DOCK4: variants seen among roughly 807,000 people sequenced by gnomAD.
DOCK4 encodes dedicator of cytokinesis protein 4.
In DOCK4, 97 loss-of-function variants were observed where a neutral mutation model predicts 268.1. The ratio of observed to expected loss-of-function variants is 0.36; its 90% CI spans 0.31 to 0.43. The LOEUF is 0.43. DOCK4 is among the 20% of genes least tolerant of loss of function. The pLI is 1.00. For missense variants in DOCK4, 2,145 were observed against 2,455.7 expected (o/e 0.87, Z 2.67); for synonymous variants, 954 against 887.2 (o/e 1.08, Z -1.34).
intron 8 of DOCK4, 99 bp from the exon 9 acceptor site, chr7:111,945,897 T>A: frequency 1.2e-6 from 1 of 851,116 alleles, no homozygotes. Flanking sequence ...AGCTAAATAT[T>A]AGGTTGTTCA....
intron 1 of DOCK4, among the ~76,000 whole-genome samples, chr7:112,133,560 G>A (rs1409385504): frequency 1.3e-5 from 2 of 151,884 alleles, no homozygotes; most frequent in African/African-American, 4.8e-5. Context: ...GGTGACACCC[G>A]TCTCTCCTAA....
At chr7:111,849,591 A>G (rs1804385781) in intron 23 of DOCK4, among the ~76,000 whole-genome samples, 1 of 152,068 alleles carries the variant, frequency 6.6e-6, no homozygotes, top group Non-Finnish European at 1.5e-5. Context: ...GCTTTTCTCC[A>G]ATATCTGATG....
intron 26 of DOCK4, among the ~76,000 whole-genome samples, chr7:111,828,646 T>C (rs979542537): frequency 1.8e-4 from 28 of 151,940 alleles, no homozygotes; most frequent in African/African-American, 6.3e-4. Flanking sequence ...CAATTACACG[T>C]CTAGGAATTT....
At chr7:112,177,436 T>G (rs1448046477) in intron 1 of DOCK4, among the ~76,000 whole-genome samples, 1 of 152,240 alleles carries the variant, frequency 6.6e-6, no homozygotes, top group Admixed American at 6.5e-5. Context: ...ATGGTAGCTG[T>G]TGTTAAAATA....
chr7:111,755,441 T>C (rs536907403), intron 42 of DOCK4, 74 bp downstream of exon 42: 44 of 1,415,418 alleles, frequency 3.1e-5, no homozygotes, highest in African/African-American at 4.2e-5. Context: ...GAAGGAGAAG[T>C]AATGAATATA....
At chr7:111,980,312 C>CTAAA (rs1447502779) in intron 7 of DOCK4, among the ~76,000 whole-genome samples, 3 of 152,146 alleles carry the variant, frequency 2.0e-5, no homozygotes, top group African/African-American at 7.2e-5. Context: ...TAATTCAGTA[C>CTAAA]TTCCGCAAAC....
In DOCK4 at chr7:111,727,218, G is replaced by A. The variant is rs1041337408; in HGVS notation, c.*1056C>T. The A allele has an allele frequency of 3.3e-5, 5 of 152,622 alleles. No homozygotes were observed. Among genetic ancestry groups the A allele is most frequent in the Admixed American group, 2.0e-4 (3 of 15,274 alleles). The allele number at this position is 152,622 out of a possible 1,614,324, so 9.5% of individuals were successfully genotyped here. Reference sequence around the variant, plus strand: ...AGCAATCCTCCTTCAAGAGAAAGACGACAGGTCAGCTAAGACAAACTCCAC... The same window carrying A: ...AGCAATCCTCCTTCAAGAGAAAGACAACAGGTCAGCTAAGACAAACTCCAC... On this transcript the variant is annotated 3_prime_UTR_variant, in exon 53 of 53. Coordinates refer to ENST00000428084, the MANE Select transcript of DOCK4 (RefSeq NM_001363540.2).
intron 25 of DOCK4, among the ~76,000 whole-genome samples, chr7:111,843,442 T>C (rs1203300176): frequency 2.6e-5 from 4 of 152,148 alleles, no homozygotes; most frequent in East Asian, 3.9e-4. Context: ...AGAGGATATA[T>C]AGATGGCAAA....
At chr7:112,121,605 T>C (rs1326809534) in intron 1 of DOCK4, among the ~76,000 whole-genome samples, 1 of 152,186 alleles carries the variant, frequency 6.6e-6, no homozygotes, top group Non-Finnish European at 1.5e-5. Context: ...TCAGGAAATC[T>C]TCACCCCACT....
chr7:111,942,748 A>G (rs560607575), intron 10 of DOCK4, among the ~76,000 whole-genome samples: 9 of 152,130 alleles, frequency 5.9e-5, no homozygotes, highest in South Asian at 4.1e-4. Context: ...AACATAGTCA[A>G]TCAGAATTAG....
chr7:111,987,284 T>G (rs1799124174), intron 6 of DOCK4, among the ~76,000 whole-genome samples: 1 of 152,206 alleles, frequency 6.6e-6, no homozygotes, highest in Non-Finnish European at 1.5e-5. Flanking sequence ...ATGTTTTTCC[T>G]TCCTTCCCCT....
chr7:111,856,579 T>C (rs1048612288), intron 23 of DOCK4, among the ~76,000 whole-genome samples: 2 of 152,194 alleles, frequency 1.3e-5, no homozygotes, highest in African/African-American at 4.8e-5. Flanking sequence ...TGGGCAAATC[T>C]TTCATAAAAT....
chr7:112,006,292 G>C (rs996615092), intron 1 of DOCK4, among the ~76,000 whole-genome samples: 10 of 152,268 alleles, frequency 6.6e-5, no homozygotes, highest in South Asian at 6.2e-4. Context: ...GTGAATGAGG[G>C]TATGGTTTAA....
chr7:112,080,841 T>C (rs1036078077), intron 1 of DOCK4, among the ~76,000 whole-genome samples: 2 of 152,194 alleles, frequency 1.3e-5, no homozygotes, highest in African/African-American at 4.8e-5. Flanking sequence ...TGCTGTGAAC[T>C]AGCAACTGGA....
At chr7:111,868,641 C>T (rs886704798) in intron 21 of DOCK4, among the ~76,000 whole-genome samples, 2 of 151,572 alleles carry the variant, frequency 1.3e-5, no homozygotes, top group Admixed American at 6.6e-5. Flanking sequence ...ACCTGGCAGG[C>T]GGAGGTTGCA....
intron 22 of DOCK4, among the ~76,000 whole-genome samples, chr7:111,865,575 A>G (rs1161440950): frequency 6.6e-6 from 1 of 152,254 alleles, no homozygotes; most frequent in Non-Finnish European, 1.5e-5. Flanking sequence ...GACGACTCCC[A>G]TGACCCTGTT....
At chr7:112,187,656 G>A (rs1171529603) in intron 1 of DOCK4, among the ~76,000 whole-genome samples, 1 of 152,138 alleles carries the variant, frequency 6.6e-6, no homozygotes, top group Non-Finnish European at 1.5e-5. Context: ...AAATAAGAAT[G>A]TCATGCCATG....
rs142071977 is a variant in DOCK4, at chr7:111,951,115, G to A, written c.702-5317C>T. On this transcript the variant is annotated intron_variant, in intron 8 of 52. Transcript: ENST00000428084. ...ATAAATCAAAAATGACTATTTCTTTGGAAATAAAGAAAAACAAACCACAAT... is the reference window on the plus strand; with the variant it reads ...ATAAATCAAAAATGACTATTTCTTTAGAAATAAAGAAAAACAAACCACAAT... Among the ~76,000 whole-genome samples the A allele has an allele frequency of 4.6e-5, 7 of 151,970 alleles. No homozygotes were observed. In the East Asian group the frequency reaches 1.4e-3, roughly 29 times the overall value.
chr7:112,081,886 G>A (rs1353355455), intron 1 of DOCK4, among the ~76,000 whole-genome samples: 1 of 152,128 alleles, frequency 6.6e-6, no homozygotes, highest in Non-Finnish European at 1.5e-5. Flanking sequence ...ACAGAGTAAT[G>A]CGCAAGATCT....
Sources: gnomAD v4.1 joint callset for allele counts (sites outside exome capture counted in the v4.1 genomes callset) on GRCh38, gnomAD v4.1.1 for gene constraint, MANE v1.5 for transcripts, NCBI Gene and HGNC (gene_info 2026-07-23, HGNC 2026-07-21) for gene names.